The following SFMBT2 variants were observed in gnomAD, a reference collection of about 807,000 sequenced individuals.
SFMBT2 encodes scm-like with four MBT domains protein 2.
SFMBT2 carries 38 observed loss-of-function variants against 110.1 expected under a neutral mutation model. The observed-to-expected ratio is 0.35, with a 90% CI of 0.27 to 0.45. The LOEUF (loss-of-function observed/expected upper bound fraction) is 0.45. SFMBT2 is among the 20% of genes least tolerant of loss of function. The pLI, the probability that SFMBT2 is intolerant of heterozygous loss-of-function variation, is 1.00. For missense variants in SFMBT2, 1,011 were observed against 1,094.9 expected, an observed-to-expected ratio of 0.92 and a Z score of 1.08; for synonymous variants, 425 against 425.4, an observed-to-expected ratio of 1.00 and a Z score of 0.01.
At chr10:7,229,437 G>T (rs952813730) in intron 9 of SFMBT2, among the ~76,000 whole-genome samples, 4 of 151,762 alleles carry the variant, frequency 2.6e-5, no homozygotes, top group Non-Finnish European at 5.9e-5. Flanking sequence ...AAATTAGCCA[G>T]GTGTGGTGGT....
At position 7,172,366 on chromosome 10, in the gene SFMBT2, C is replaced by T; in HGVS notation, c.2151+129G>A. 1 of 1,514,398 alleles carries T rather than the reference C, an allele frequency of 6.6e-7. No individual in the cohort carries two copies. The highest frequency in any genetic ancestry group is 8.8e-7 in the Non-Finnish European group (1 of 1,133,916). The allele number at this position is 1,514,398 out of a possible 1,614,324, so 93.8% of individuals were successfully genotyped here. On this transcript the variant is annotated intron_variant, in intron 18 of 20. Coordinates refer to ENST00000397167, the MANE Select transcript of SFMBT2 (RefSeq NM_001387889.1). The surrounding 1 kb of genome is among the most constrained non-coding windows in gnomAD (Gnocchi z 4.6). ...TTTTCAGCAAGTAAGGAGGAGGGGG[C>T]TCTTCTTCAGTGTTTCTGACCATCT...
rs377672353 is a variant in SFMBT2, at chr10:7,363,646, T to C, written c.436+4003A>G. 3.9e-5 allele frequency among the ~76,000 whole-genome samples: 6 copies of C among 152,146 alleles called. No individual in the cohort carries two copies. In the East Asian group the frequency reaches 5.8e-4, roughly 15 times the overall value. Reference sequence around the variant, plus strand: ...CAGGCGTGAGCCACCACACCCTGCCTAAACCTCTTTTTCTTTATAAATTAC... The same window carrying C: ...CAGGCGTGAGCCACCACACCCTGCCCAAACCTCTTTTTCTTTATAAATTAC... On this transcript the variant is annotated intron_variant, in intron 4 of 20. Coordinates refer to ENST00000397167, the MANE Select transcript of SFMBT2 (RefSeq NM_001387889.1).
At chr10:7,288,083 T>C (rs1375245435) in intron 4 of SFMBT2, among the ~76,000 whole-genome samples, 1 of 152,252 alleles carries the variant, frequency 6.6e-6, no homozygotes, top group African/African-American at 2.4e-5. Context: ...TTATTGATTA[T>C]TCATACCCAT....
At chr10:7,234,282 C>T (rs753393857) in intron 9 of SFMBT2, among the ~76,000 whole-genome samples, 17 of 152,126 alleles carry the variant, frequency 1.1e-4, no homozygotes, top group African/African-American at 2.7e-4. Context: ...CTAGCCCTAC[C>T]GCCTTCCTTA....
chr10:7,329,591 G>A, intron 4 of SFMBT2: 1 of 760,252 alleles, frequency 1.3e-6, no homozygotes. Context: ...ATTTGCTGAT[G>A]CTCACAGATT....
chr10:7,221,875 G>C (rs1008949305), intron 10 of SFMBT2, among the ~76,000 whole-genome samples: 8 of 152,130 alleles, frequency 5.3e-5, no homozygotes, highest in Admixed American at 1.3e-4. Context: ...TCAACACACA[G>C]AACCATCCCT....
intron 9 of SFMBT2, among the ~76,000 whole-genome samples, chr10:7,229,865 C>T (rs1042760082): frequency 1.5e-4 from 22 of 151,194 alleles, no homozygotes; most frequent in Admixed American, 3.3e-4. Flanking sequence ...GGACTACAGG[C>T]GCCCGCCACC....
At chr10:7,258,395 G>A (rs1841097876) in intron 7 of SFMBT2, among the ~76,000 whole-genome samples, 1 of 152,070 alleles carries the variant, frequency 6.6e-6, no homozygotes, top group South Asian at 2.1e-4. Context: ...GATTCACCCT[G>A]CCCAGTTTTT....
At chr10:7,275,274 ATTTAT>A (rs1389321607) in intron 7 of SFMBT2, among the ~76,000 whole-genome samples, 1 of 152,148 alleles carries the variant, frequency 6.6e-6, no homozygotes, top group African/African-American at 2.4e-5. Flanking sequence ...TCAAAATAAA[ATTTAT>A]TTTTTCAAGG....
chr10:7,383,335 T>C (rs756888228), intron 1 of SFMBT2, among the ~76,000 whole-genome samples: 2 of 151,950 alleles, frequency 1.3e-5, no homozygotes, highest in Non-Finnish European at 2.9e-5. Context: ...GAGACCCCCA[T>C]CTCTAAATAA....
At chr10:7,234,282 C>CTA (rs34813680) in intron 9 of SFMBT2, among the ~76,000 whole-genome samples, 5,003 of 152,232 alleles carry the variant, frequency 0.033, 114 homozygotes, top group African/African-American at 0.066. Flanking sequence ...CTAGCCCTAC[C>CTA]GCCTTCCTTA....
intron 11 of SFMBT2, 116 bp from the exon 12 acceptor site, chr10:7,206,044 A>G: frequency 2.0e-6 from 2 of 976,276 alleles, no homozygotes; most frequent in Non-Finnish European, 2.7e-6. Context: ...TTATACATTA[A>G]AAAACAAAAA....
intron 16 of SFMBT2, among the ~76,000 whole-genome samples, chr10:7,179,299 T>C (rs2131549879): frequency 6.8e-6 from 1 of 146,264 alleles, no homozygotes; most frequent in East Asian, 2.1e-4. Flanking sequence ...CCATTGACCC[T>C]ATGTGTAGAG....
intron 1 of SFMBT2, among the ~76,000 whole-genome samples, chr10:7,388,576 A>G (rs1016246283): frequency 2.3e-5 from 3 of 130,118 alleles, no homozygotes; most frequent in East Asian, 4.3e-4. Flanking sequence ...GAATTTCACC[A>G]TGTTGGCCAG....
At chr10:7,231,573 C>T (rs1244930254) in intron 9 of SFMBT2, among the ~76,000 whole-genome samples, 1 of 152,190 alleles carries the variant, frequency 6.6e-6, no homozygotes, top group Non-Finnish European at 1.5e-5. Flanking sequence ...TTTTCTTGGA[C>T]GTACATTCAG....
intron 4 of SFMBT2, among the ~76,000 whole-genome samples, chr10:7,286,945 G>A (rs185367420): frequency 1.3e-5 from 2 of 152,186 alleles, no homozygotes; most frequent in African/African-American, 4.8e-5. Context: ...AACAGTATAA[G>A]GGTTTGAATG....
intron 7 of SFMBT2, among the ~76,000 whole-genome samples, chr10:7,273,633 C>G (rs1183551428): frequency 6.6e-6 from 1 of 152,216 alleles, no homozygotes; most frequent in East Asian, 1.9e-4. Flanking sequence ...CACCCCACGA[C>G]AGACCCCAGT....
Position 7,284,200 on chromosome 10 carries a change from C to T in SFMBT2, c.526-50G>A, listed in dbSNP as rs755272430. 5 of 1,584,938 alleles carry T rather than the reference C, an allele frequency of 3.2e-6. No individual in the cohort carries two copies. The East Asian group carries it at 1.1e-4, about 35-fold the overall frequency. ...TTATTTTAAACTTTATTTTAAGGTTCTCATGGAAACAGATGACAGCAGAAG... is the reference window on the plus strand; with the variant it reads ...TTATTTTAAACTTTATTTTAAGGTTTTCATGGAAACAGATGACAGCAGAAG... On this transcript the variant is annotated intron_variant, in intron 5 of 20. Transcript: ENST00000397167.
chr10:7,214,550 G>C (rs1434251096), intron 11 of SFMBT2: 1 of 985,174 alleles, frequency 1.0e-6, no homozygotes, highest in Non-Finnish European at 1.2e-6. Context: ...AAATACCTAT[G>C]AGGAAATTCT....
Sources: gnomAD v4.1 joint callset for allele counts (sites outside exome capture counted in the v4.1 genomes callset) on GRCh38, gnomAD v4.1.1 for gene constraint, Gnocchi (gnomAD v3.1) non-coding constraint, MANE v1.5 for transcripts, NCBI Gene and HGNC (gene_info 2026-07-23, HGNC 2026-07-21) for gene names.